Variants in SORCS3 observed in about 807,000 individuals in gnomAD.
The protein encoded by SORCS3 is sortilin related VPS10 domain containing receptor 3.
In SORCS3, 57 loss-of-function variants were observed where a neutral mutation model predicts 146.3. The observed-to-expected ratio is 0.39, with a 90% CI of 0.31 to 0.49. The LOEUF is 0.49. Among genes scored for constraint, SORCS3 ranks in the 20% least tolerant of loss-of-function variants. The pLI is 0.92. For missense variants in SORCS3, 1,341 were observed against 1,575.5 expected (o/e 0.85, Z 2.52); for synonymous variants, 653 against 618.5 (o/e 1.06, Z -0.83).
At chr10:105,167,201 G>A in intron 12 of SORCS3, 57 bp from the exon 13 acceptor site, 3 of 1,336,812 alleles carry the variant, frequency 2.2e-6, no homozygotes, top group Non-Finnish European at 3.2e-6. Context: ...AAACTGTTAA[G>A]CACTATGCAA....
chr10:105,058,684 C>T (rs1291447407), intron 5 of SORCS3, among the ~76,000 whole-genome samples: 4 of 152,120 alleles, frequency 2.6e-5, no homozygotes, highest in Non-Finnish European at 5.9e-5. Context: ...CACTGGGCAG[C>T]CAGGCCTTGG....
chr10:104,914,583 A>G (rs1354423903), intron 2 of SORCS3, among the ~76,000 whole-genome samples: 4 of 152,204 alleles, frequency 2.6e-5, no homozygotes, highest in Non-Finnish European at 5.9e-5. Flanking sequence ...ATGTGATGCT[A>G]TGATTGTGCC....
intron 1 of SORCS3, among the ~76,000 whole-genome samples, chr10:104,685,307 C>G (rs1383082328): frequency 6.6e-6 from 1 of 152,140 alleles, no homozygotes; most frequent in East Asian, 1.9e-4. Context: ...AATGAGCTCA[C>G]TGGTCACCCT....
chr10:105,020,606 G>A (rs2055192545), intron 4 of SORCS3, among the ~76,000 whole-genome samples: 1 of 152,036 alleles, frequency 6.6e-6, no homozygotes, highest in Non-Finnish European at 1.5e-5. Flanking sequence ...TACTACTTCA[G>A]CAACATAAAA....
chr10:104,757,427 A>G (rs1453783084), intron 1 of SORCS3, among the ~76,000 whole-genome samples: 1 of 152,194 alleles, frequency 6.6e-6, no homozygotes, highest in Admixed American at 6.5e-5. Flanking sequence ...ATGCAAGGCA[A>G]GGGATACTTG....
intron 4 of SORCS3, among the ~76,000 whole-genome samples, chr10:105,003,185 A>G (rs1273179630): frequency 1.3e-5 from 2 of 152,222 alleles, no homozygotes; most frequent in Admixed American, 1.3e-4. Flanking sequence ...AGATTGTAAT[A>G]TCTGCCTGGC....
chr10:104,885,659 A>C (rs144631288), intron 2 of SORCS3, among the ~76,000 whole-genome samples: 23 of 152,316 alleles, frequency 1.5e-4, no homozygotes, highest in African/African-American at 5.5e-4. Flanking sequence ...TCCCATTCTC[A>C]TGCCATCCTA....
intron 3 of SORCS3, among the ~76,000 whole-genome samples, chr10:104,973,918 G>A (rs1475032891): frequency 1.1e-4 from 16 of 151,596 alleles, no homozygotes; most frequent in Admixed American, 2.6e-4. Context: ...TTGGTTTCAA[G>A]GAACATCTTT....
At chr10:105,042,071 A>G (rs557365130) in intron 4 of SORCS3, among the ~76,000 whole-genome samples, 1 of 152,296 alleles carries the variant, frequency 6.6e-6, no homozygotes, top group South Asian at 2.1e-4. Context: ...AGAGGTGTTT[A>G]TGTTCTCACA....
intron 3 of SORCS3, among the ~76,000 whole-genome samples, chr10:104,927,764 G>T (rs1490495661): frequency 6.6e-6 from 1 of 151,884 alleles, no homozygotes; most frequent in Non-Finnish European, 1.5e-5. Context: ...TGTAATCCTA[G>T]CTACTCGGGA....
At chr10:105,142,115 G>A (rs1012785394) in intron 8 of SORCS3, among the ~76,000 whole-genome samples, 9 of 152,044 alleles carry the variant, frequency 5.9e-5, no homozygotes, top group African/African-American at 1.7e-4. Flanking sequence ...ACTTTACCAC[G>A]CTGAGCCTGA....
chr10:104,699,221 C>T (rs542262360), intron 1 of SORCS3, among the ~76,000 whole-genome samples: 8 of 152,114 alleles, frequency 5.3e-5, no homozygotes, highest in Non-Finnish European at 1.0e-4. Flanking sequence ...CTGTGGGTGT[C>T]CCAGATTTCC....
At chr10:104,667,172 T>C (rs2015790329) in intron 1 of SORCS3, among the ~76,000 whole-genome samples, 3 of 152,196 alleles carry the variant, frequency 2.0e-5, no homozygotes, top group Admixed American at 2.0e-4. Flanking sequence ...GTTATTAAAT[T>C]TGGGACAAGG....
intron 6 of SORCS3, among the ~76,000 whole-genome samples, chr10:105,098,695 T>C (rs1280069072): frequency 1.3e-5 from 2 of 152,182 alleles, no homozygotes; most frequent in Non-Finnish European, 2.9e-5. Context: ...TGAAATTAGT[T>C]AATGCATATA....
At chr10:104,883,825 T>C (rs897159382) in intron 2 of SORCS3, among the ~76,000 whole-genome samples, 5 of 152,066 alleles carry the variant, frequency 3.3e-5, no homozygotes, top group African/African-American at 1.2e-4. Context: ...GAGCTTATGA[T>C]TAATTAGGAA....
At chr10:105,112,863 A>G (rs994325858) in intron 7 of SORCS3, among the ~76,000 whole-genome samples, 1 of 152,180 alleles carries the variant, frequency 6.6e-6, no homozygotes, top group Non-Finnish European at 1.5e-5. Context: ...TCATGACTAT[A>G]GAGATTTGTC....
chr10:105,162,337 T>C (rs1346551771), intron 11 of SORCS3, among the ~76,000 whole-genome samples: 2 of 152,106 alleles, frequency 1.3e-5, no homozygotes. Flanking sequence ...TCCTCTCTCA[T>C]CATACCACTC....
At chr10:104,682,729 A>G (rs2015994511) in intron 1 of SORCS3, among the ~76,000 whole-genome samples, 1 of 152,230 alleles carries the variant, frequency 6.6e-6, no homozygotes, top group Non-Finnish European at 1.5e-5. Flanking sequence ...AAATCATTGA[A>G]GAAACACAGC....
intron 6 of SORCS3, among the ~76,000 whole-genome samples, chr10:105,097,683 G>A (rs1472434891): frequency 6.6e-6 from 1 of 152,104 alleles, no homozygotes; most frequent in Admixed American, 6.6e-5. Flanking sequence ...GTTTACTAAT[G>A]ATGATCTTGT....
Sources: allele counts gnomAD v4.1 joint callset (sites outside exome capture counted in the v4.1 genomes callset), GRCh38; gene constraint gnomAD v4.1.1; transcripts MANE v1.5; gene names NCBI Gene and HGNC (gene_info 2026-07-23, HGNC 2026-07-21).